Variants in HSPA12A observed in about 807,000 individuals in gnomAD.
HSPA12A encodes the protein heat shock 70 kDa protein 12A.
Under a neutral mutation model 69.2 loss-of-function variants are expected in HSPA12A, and 28 were observed. That is an observed-to-expected ratio of 0.40 (90% confidence interval 0.30 to 0.55). HSPA12A has a LOEUF of 0.55. Ranked by LOEUF, HSPA12A falls within the 20% of genes least tolerant of loss-of-function variation. The pLI, the probability that HSPA12A is intolerant of heterozygous loss-of-function variation, is 0.38. For synonymous variants in HSPA12A, 345 were observed against 370.5 expected (o/e 0.93, Z 0.79); for missense variants, 686 against 900.7 (o/e 0.76, Z 3.05).
chr10:116,834,956 T>C (rs1405790594), exon 2 of HSPA12A: 3 of 1,231,562 alleles, frequency 2.4e-6, no homozygotes, highest in Non-Finnish European at 2.0e-6. Flanking sequence ...ATTTCCCACC[T>C]TGAATCACAC....
At chr10:116,780,114 G>A (rs1844431672) in intron 2 of HSPA12A, among the ~76,000 whole-genome samples, 1 of 152,176 alleles carries the variant, frequency 6.6e-6, no homozygotes, top group South Asian at 2.1e-4. Flanking sequence ...CAGCAACAAG[G>A]AACAGCAGTC....
intron 2 of HSPA12A, among the ~76,000 whole-genome samples, chr10:116,817,595 C>T (rs548895772): frequency 1.3e-3 from 203 of 152,202 alleles, no homozygotes; most frequent in South Asian, 4.8e-3. Context: ...CTCTGTGCTC[C>T]ACCACCATAG....
In HSPA12A at chr10:116,758,656, G is replaced by A. The variant is rs183502483; in HGVS notation, c.92-51371C>T. On this transcript the variant is annotated intron_variant, in intron 2 of 12. Transcript: ENST00000635765. Reference sequence around the variant, plus strand: ...TGTGTATACATGTGTGATTGTGTGTGCATTTTAGAGAGAGGGAAAGAGAGG... The same window carrying A: ...TGTGTATACATGTGTGATTGTGTGTACATTTTAGAGAGAGGGAAAGAGAGG... Among the ~76,000 whole-genome samples the A allele has an allele frequency of 3.9e-5, 6 of 152,228 alleles. No homozygotes were observed. In the East Asian group the frequency reaches 1.2e-3, roughly 29 times the overall value.
chr10:116,785,825 C>T (rs992093535), intron 2 of HSPA12A, among the ~76,000 whole-genome samples: 2 of 152,162 alleles, frequency 1.3e-5, no homozygotes, highest in Non-Finnish European at 2.9e-5. Context: ...TGCCTTTCCC[C>T]GCTGAGCCCT....
intron 2 of HSPA12A, among the ~76,000 whole-genome samples, chr10:116,806,299 C>T (rs546873993): frequency 1.3e-5 from 2 of 152,334 alleles, no homozygotes; most frequent in Middle Eastern, 3.4e-3. Context: ...CTCCCCAGCT[C>T]AAGCCATCCT....
chr10:116,698,764 G>A, intron 4 of HSPA12A, 25 bp from the exon 5 acceptor site: 1 of 1,558,342 alleles, frequency 6.4e-7, no homozygotes, highest in Non-Finnish European at 8.8e-7. Context: ...AGGAACAATA[G>A]TAAGAAGATG....
chr10:116,742,324 C>A, intron 1 of HSPA12A, 106 bp downstream of exon 1: 1 of 1,197,000 alleles, frequency 8.4e-7, no homozygotes, highest in South Asian at 1.9e-5. Flanking sequence ...CGCGGGCGTC[C>A]CCACTTTTCC....
At chr10:116,757,873 C>T (rs1381562109) in intron 2 of HSPA12A, among the ~76,000 whole-genome samples, 39 of 152,288 alleles carry the variant, frequency 2.6e-4, no homozygotes, top group African/African-American at 8.7e-4. Context: ...AAATACAAAT[C>T]CCATCTATCT....
chr10:116,761,572 A>T (rs1436623578), intron 2 of HSPA12A, among the ~76,000 whole-genome samples: 1 of 960 alleles, frequency 1.0e-3, no homozygotes. Context: ...AAAAAAAGTA[A>T]AAAAAATAAA....
chr10:116,803,066 C>G (rs1395187777), intron 2 of HSPA12A, among the ~76,000 whole-genome samples: 1 of 152,050 alleles, frequency 6.6e-6, no homozygotes, highest in African/African-American at 2.4e-5. Context: ...GAGGATTGTT[C>G]GTTACTGCAG....
intron 1 of HSPA12A, among the ~76,000 whole-genome samples, chr10:116,725,915 G>C (rs550307521): frequency 6.6e-6 from 1 of 152,090 alleles, no homozygotes; most frequent in African/African-American, 2.4e-5. Flanking sequence ...GCTATCTTAA[G>C]GCCTGCCTCT....
chr10:116,794,462 C>T (rs754182002), intron 2 of HSPA12A, among the ~76,000 whole-genome samples: 1 of 152,112 alleles, frequency 6.6e-6, no homozygotes, highest in African/African-American at 2.4e-5. Context: ...AAGGACTGAA[C>T]ACATGCAGAT....
chr10:116,679,417 C>A, intron 10 of HSPA12A, 86 bp downstream of exon 10: 1 of 1,528,588 alleles, frequency 6.5e-7, no homozygotes, highest in Non-Finnish European at 8.9e-7. Flanking sequence ...GGATTGGAAC[C>A]CGAAGTCCAC....
intron 2 of HSPA12A, among the ~76,000 whole-genome samples, chr10:116,812,475 A>C (rs1845211851): frequency 6.6e-6 from 1 of 151,934 alleles, no homozygotes; most frequent in South Asian, 2.1e-4. Flanking sequence ...AAATAAAATA[A>C]ATAAAATAAA....
At chr10:116,820,738 A>C (rs1392880996) in intron 2 of HSPA12A, among the ~76,000 whole-genome samples, 2 of 152,010 alleles carry the variant, frequency 1.3e-5, no homozygotes, top group Non-Finnish European at 2.9e-5. Flanking sequence ...TTCAGTACCA[A>C]CTATATGCTA....
At chr10:116,792,813 A>AAAAG (rs900158827) in intron 2 of HSPA12A, among the ~76,000 whole-genome samples, 10 of 151,314 alleles carry the variant, frequency 6.6e-5, no homozygotes, top group Middle Eastern at 3.4e-3. Flanking sequence ...AAAAGAAAGA[A>AAAAG]AAAGAAAGAA....
At chr10:116,706,116 C>T (rs1446866754) in intron 2 of HSPA12A, among the ~76,000 whole-genome samples, 1 of 151,644 alleles carries the variant, frequency 6.6e-6, no homozygotes, top group Non-Finnish European at 1.5e-5. Context: ...AGGATGGTCT[C>T]GATCTCCTGA....
chr10:116,688,814 G>A (rs80337392), intron 6 of HSPA12A, among the ~76,000 whole-genome samples: 7,514 of 152,214 alleles, frequency 0.049, 628 homozygotes, highest in African/African-American at 0.17. Context: ...ACACATTTTA[G>A]GCAAAATGCC....
At chr10:116,682,457 G>T (rs868916940) in intron 7 of HSPA12A, among the ~76,000 whole-genome samples, 3 of 140,910 alleles carry the variant, frequency 2.1e-5, no homozygotes, top group East Asian at 2.0e-4. Context: ...AAATAGACTG[G>T]GGGGGGGGGC....
Sources: allele counts gnomAD v4.1 joint callset (sites outside exome capture counted in the v4.1 genomes callset), GRCh38; gene constraint gnomAD v4.1.1; transcripts MANE v1.5; gene names NCBI Gene and HGNC (gene_info 2026-07-23, HGNC 2026-07-21).